The following POMT2 variants were observed in gnomAD, a reference collection of about 807,000 sequenced individuals.
POMT2 encodes protein O-mannosyltransferase 2, also known as protein O-mannosyl-transferase 2.
POMT2 carries 75 observed loss-of-function variants against 100.0 expected under a neutral mutation model. The ratio of observed to expected loss-of-function variants is 0.75; its 90% confidence interval spans 0.62 to 0.91. The LOEUF (loss-of-function observed/expected upper bound fraction) is 0.91, where lower values mean the gene tolerates loss of function less well. POMT2 is among the 40% of genes least tolerant of loss of function. The probability of loss-of-function intolerance (pLI) is 0.00; values close to 1 mark genes in which losing one functional copy is unlikely to be tolerated. For missense variants in POMT2, 940 were observed against 955.1 expected (o/e 0.98, Z 0.21); for synonymous variants, 378 against 374.1 (o/e 1.01, Z -0.12).
At chr14:77,306,618 T>C (rs954170791) in intron 2 of POMT2, 177 bp from the exon 3 acceptor site, 9 of 634,530 alleles carry the variant, frequency 1.4e-5, no homozygotes, top group Non-Finnish European at 2.1e-5. Context: ...GAATCTTTTG[T>C]CTACAGAGCT....
chr14:77,303,625 T>C (rs1358858917), intron 4 of POMT2, among the ~76,000 whole-genome samples: 1 of 152,196 alleles, frequency 6.6e-6, no homozygotes, highest in Non-Finnish European at 1.5e-5. Flanking sequence ...TCCCTCTGCC[T>C]GAATGCTCTT....
At chr14:77,318,577 G>A (rs1891709529) in intron 1 of POMT2, among the ~76,000 whole-genome samples, 5 of 152,086 alleles carry the variant, frequency 3.3e-5, no homozygotes, top group Admixed American at 3.3e-4. Context: ...CAGTGACACT[G>A]CCCATGTGGT....
At chr14:77,283,429 A>G (rs1020501585) in intron 15 of POMT2, among the ~76,000 whole-genome samples, 3 of 152,184 alleles carry the variant, frequency 2.0e-5, no homozygotes, top group Admixed American at 6.5e-5. Flanking sequence ...GGCTGGATCT[A>G]CCTCTTACAC....
chr14:77,280,220 T>G, intron 16 of POMT2, 140 bp from the exon 17 acceptor site: 1 of 1,565,762 alleles, frequency 6.4e-7, no homozygotes, highest in Non-Finnish European at 8.7e-7. Context: ...ACGAGCTCTC[T>G]GGGAAGCAGG....
At chr14:77,307,909 C>T (rs536261113) in intron 2 of POMT2, among the ~76,000 whole-genome samples, 1 of 132,486 alleles carries the variant, frequency 7.5e-6, no homozygotes, top group South Asian at 2.3e-4. Flanking sequence ...GTCACCCAGG[C>T]TGGAGTGCGG....
intron 2 of POMT2, among the ~76,000 whole-genome samples, chr14:77,307,858 C>CTTTTTTTT (rs57755259): frequency 5.9e-5 from 6 of 101,228 alleles, no homozygotes; most frequent in Admixed American, 1.1e-4. Context: ...TTAATTTCTT[C>CTTTTTTTT]TTTTTTTTTT....
chr14:77,308,699 G>A, intron 2 of POMT2: 1 of 425,314 alleles, frequency 2.4e-6, no homozygotes, highest in Admixed American at 3.0e-5. Context: ...TGGCAATGAT[G>A]TGGGGAAGAA....
chr14:77,285,122 C>A, intron 13 of POMT2, 81 bp from the exon 14 acceptor site: 1 of 1,206,756 alleles, frequency 8.3e-7, no homozygotes, highest in Admixed American at 1.9e-5. Flanking sequence ...GCTCTTAAAT[C>A]CACAGGCTCC....
rs190342225 is a variant in POMT2, at chr14:77,294,661, T to C, written c.1116+1503A>G. ...GATTTTCTCTGCACAAGCTCTCTCT[T>C]TGCCTGCCGCCATCCACATAAAATG... On this transcript the variant is annotated intron_variant, in intron 9 of 20. Transcript: ENST00000261534. Among the ~76,000 whole-genome samples, 88 of 152,274 alleles carry C rather than the reference T, an allele frequency of 5.8e-4. 1 individual carries two copies. Among genetic ancestry groups the C allele is most frequent in the African/African-American group, 2.1e-3 (87 of 41,560 alleles).
chr14:77,298,774 G>T lies in POMT2; in HGVS notation c.924-3C>A. On this transcript the variant is annotated splice_region_variant and splice_polypyrimidine_tract_variant and intron_variant, in intron 7 of 20. Coordinates refer to ENST00000261534, the MANE Select transcript of POMT2 (RefSeq NM_013382.7). ...TGAAGAAACCGTCACCAGGGCCACTGTGGGGAGAGGAAGAGCAGAAGAGAG... is the reference window on the plus strand; with the variant it reads ...TGAAGAAACCGTCACCAGGGCCACTTTGGGGAGAGGAAGAGCAGAAGAGAG... 6.2e-7 allele frequency: 1 copy of T among 1,611,720 alleles called. No homozygotes were observed. Among genetic ancestry groups the T allele is most frequent in the Non-Finnish European group, 8.5e-7 (1 of 1,178,832 alleles).
intron 3 of POMT2, 129 bp downstream of exon 3, chr14:77,306,208 T>C: frequency 1.3e-6 from 2 of 1,495,862 alleles, no homozygotes; most frequent in Admixed American, 4.0e-5. Flanking sequence ...CTGATCATCC[T>C]CCCCTCTCCT....
chr14:77,286,561 T>G (rs1890430658), intron 12 of POMT2, among the ~76,000 whole-genome samples, 183 bp downstream of exon 12: 2 of 152,152 alleles, frequency 1.3e-5, no homozygotes, highest in Non-Finnish European at 2.9e-5. Context: ...ACAAACAGAC[T>G]TCATAGGCTG....
At position 77,320,742 on chromosome 14, in the gene POMT2, C is replaced by A; in HGVS notation, c.-61G>T. 25 of 1,568,640 alleles carry A rather than the reference C, an allele frequency of 1.6e-5. No individual in the cohort carries two copies. The South Asian group carries it at 2.6e-4, about 16-fold the overall frequency. On this transcript the variant is annotated 5_prime_UTR_variant, in exon 1 of 21. Transcript: ENST00000261534. ...GCACACTTTGTCTGACCAGCCGCCC[C>A]GCCAAGGAGTCACAAGAGGGCAGCT...
intron 20 of POMT2, among the ~76,000 whole-genome samples, chr14:77,277,817 C>A (rs1040898643): frequency 3.9e-5 from 6 of 152,212 alleles, no homozygotes; most frequent in Non-Finnish European, 8.8e-5. Context: ...GCCACAGGCC[C>A]AGCACCAAGG....
At chr14:77,282,348 G>T (rs1053621155) in intron 15 of POMT2, among the ~76,000 whole-genome samples, 2 of 152,178 alleles carry the variant, frequency 1.3e-5, no homozygotes, top group African/African-American at 4.8e-5. Flanking sequence ...AACTGCACCA[G>T]GCAAGGCAGC....
chr14:77,310,573 G>A (rs1452034791), intron 2 of POMT2, among the ~76,000 whole-genome samples: 6 of 151,870 alleles, frequency 4.0e-5, no homozygotes, highest in Non-Finnish European at 2.9e-5. Context: ...CCTCCACGCT[G>A]TAGGGCCCCC....
At chr14:77,296,089 G>C (rs933753156) in intron 9 of POMT2, 75 bp downstream of exon 9, 32 of 1,170,612 alleles carry the variant, frequency 2.7e-5, no homozygotes, top group Non-Finnish European at 3.7e-5. Flanking sequence ...GATGAGCAAA[G>C]GATAGGAGGC....
chr14:77,295,498 G>T (rs551849539), intron 9 of POMT2, among the ~76,000 whole-genome samples: 135 of 152,186 alleles, frequency 8.9e-4, no homozygotes, highest in African/African-American at 3.2e-3. Context: ...CAGGCGTGGT[G>T]GCGGGTGCCT....
chr14:77,285,239 CAG>C, intron 13 of POMT2, 198 bp from the exon 14 acceptor site: 2 of 711,076 alleles, frequency 2.8e-6, no homozygotes, highest in Non-Finnish European at 4.7e-6. Flanking sequence ...GACATAGACC[CAG>C]AGAGTTATTA....
Sources: gnomAD v4.1 joint callset for allele counts (sites outside exome capture counted in the v4.1 genomes callset) on GRCh38, gnomAD v4.1.1 for gene constraint, MANE v1.5 for transcripts, NCBI Gene and HGNC (gene_info 2026-07-23, HGNC 2026-07-21) for gene names.